WWC1: variants seen among roughly 807,000 people sequenced by gnomAD.
WWC1 encodes WW and C2 domain containing 1.
In WWC1, 55 loss-of-function variants were observed where a neutral mutation model predicts 138.4. The ratio of observed to expected loss-of-function variants is 0.40; its 90% CI spans 0.32 to 0.50. WWC1 has a LOEUF of 0.50. Among genes scored for constraint, WWC1 ranks in the 20% least tolerant of loss-of-function variants. The pLI is 0.72. For synonymous variants in WWC1, 524 were observed against 564.9 expected (o/e 0.93, Z 1.03); for missense variants, 1,226 against 1,420.4 (o/e 0.86, Z 2.20).
chr5:168,297,417 A>G (rs1769637143), intron 1 of WWC1, among the ~76,000 whole-genome samples: 1 of 152,282 alleles, frequency 6.6e-6, no homozygotes, highest in South Asian at 2.1e-4. Flanking sequence ...ACCTGAGGTC[A>G]GGAGTTCGAG....
intron 17 of WWC1, among the ~76,000 whole-genome samples, chr5:168,445,725 A>G (rs933069404): frequency 3.5e-5 from 5 of 142,904 alleles, no homozygotes; most frequent in Non-Finnish European, 7.6e-5. Context: ...AAAAAAAAAA[A>G]GAGTAAGCAG....
At chr5:168,317,420 C>G (rs562633509) in intron 1 of WWC1, among the ~76,000 whole-genome samples, 2 of 152,290 alleles carry the variant, frequency 1.3e-5, no homozygotes, top group African/African-American at 4.8e-5. Context: ...GCAGCCAGAT[C>G]CCACAGATCC....
intron 1 of WWC1, among the ~76,000 whole-genome samples, chr5:168,315,577 A>G (rs1771514313): frequency 6.6e-6 from 1 of 151,812 alleles, no homozygotes; most frequent in Non-Finnish European, 1.5e-5. Context: ...TCCTAATATG[A>G]ATCTACCACA....
At chr5:168,441,659 C>A in intron 15 of WWC1, 23 bp from the exon 16 acceptor site, 1 of 1,610,592 alleles carries the variant, frequency 6.2e-7, no homozygotes, top group South Asian at 1.1e-5. Flanking sequence ...CACTTATGTT[C>A]TCCTTGTTTC....
intron 2 of WWC1, among the ~76,000 whole-genome samples, chr5:168,383,853 C>T (rs1042774371): frequency 1.3e-5 from 2 of 152,116 alleles, no homozygotes; most frequent in Non-Finnish European, 2.9e-5. Context: ...GGCATTGATT[C>T]TTTGACATTA....
At position 168,292,506 on chromosome 5, in the gene WWC1, C is replaced by G. The variant is rs948670974; in HGVS notation, c.119+235C>G. On this transcript the variant is annotated intron_variant, in intron 1 of 22. Coordinates refer to ENST00000265293, the MANE Select transcript of WWC1 (RefSeq NM_015238.3). This position sits in a 1 kb window ranked among gnomAD's most constrained non-coding sequence, Gnocchi z 4.4. ...TGGCCCAGGCTGCCCCACCGCCATC[C>G]CCAGTTGGAGGACTTAGGCCCCAGC... 6.6e-6 allele frequency among the ~76,000 whole-genome samples: 1 copy of G among 152,048 alleles called. No individual in the cohort carries two copies. The highest frequency in any genetic ancestry group is 2.4e-5 in the African/African-American group (1 of 41,408).
At chr5:168,307,452 T>A (rs549573697) in intron 1 of WWC1, among the ~76,000 whole-genome samples, 2 of 152,164 alleles carry the variant, frequency 1.3e-5, no homozygotes, top group South Asian at 4.2e-4. Context: ...GTTCTACCCT[T>A]AGTTTAGCAG....
chr5:168,380,591 A>T (rs1224606616), intron 2 of WWC1, among the ~76,000 whole-genome samples: 1 of 152,250 alleles, frequency 6.6e-6, no homozygotes, highest in African/African-American at 2.4e-5. Flanking sequence ...GTAAAATGGT[A>T]CAACCAGTTT....
chr5:168,308,126 T>G (rs7724276), intron 1 of WWC1, among the ~76,000 whole-genome samples: 97,474 of 151,964 alleles, frequency 0.64, 31,572 homozygotes, highest in Middle Eastern at 0.73. Flanking sequence ...GGGTCTTCAG[T>G]CTGAGCCTTG....
At chr5:168,432,041 C>G (rs1029655719) in intron 15 of WWC1, among the ~76,000 whole-genome samples, 1 of 128,426 alleles carries the variant, frequency 7.8e-6, no homozygotes, top group South Asian at 2.7e-4. Flanking sequence ...CAGCAGAACC[C>G]TGTGTCAAAA....
intron 1 of WWC1, among the ~76,000 whole-genome samples, chr5:168,335,827 C>T (rs1773406283): frequency 1.3e-5 from 2 of 152,192 alleles, no homozygotes; most frequent in Admixed American, 1.3e-4. Flanking sequence ...ACTTTCATTT[C>T]TGAAATTACT....
intron 3 of WWC1, among the ~76,000 whole-genome samples, chr5:168,391,073 C>T (rs971419186): frequency 2.0e-5 from 3 of 152,190 alleles, no homozygotes; most frequent in Non-Finnish European, 2.9e-5. Flanking sequence ...ATTTAACCCA[C>T]GTCAGTCAGT....
chr5:168,455,986 T>G (rs1254427942), intron 19 of WWC1, among the ~76,000 whole-genome samples: 1 of 152,230 alleles, frequency 6.6e-6, no homozygotes, highest in African/African-American at 2.4e-5. Flanking sequence ...TAATTGAACC[T>G]GCTGCTAACA....
intron 1 of WWC1, among the ~76,000 whole-genome samples, chr5:168,357,448 CTGTGTGTGTGTGTGTGTGTGTGTGTG>C (rs67198550): frequency 1.5e-5 from 2 of 134,470 alleles, no homozygotes; most frequent in Admixed American, 1.4e-4. Flanking sequence ...AACCTGCCTT[CTGTGTGTGTGTGTGTGTGTGTGTGTG>C]TGTGTGTGTG....
chr5:168,464,931 T>C lies in WWC1; in HGVS notation c.3119T>C (p.Phe1040Ser). Residue 1040 changes from phenylalanine (F) to serine (S), a missense_variant, in exon 21 of 23, where the codon TTC (phenylalanine) becomes TCC (serine). Transcript: ENST00000265293. ...CAGTGGTTGCGTGAGGACGAGCGTT[T>C]CCGCCTGCTGCTGAGGATGCTGGAG... Reference protein sequence around the residue: ...LPQWLREDERFRLLLRMLEKR... With the variant: ...LPQWLREDERSRLLLRMLEKR... 6.2e-7 allele frequency: 1 copy of C among 1,614,084 alleles called. No individual in the cohort carries two copies. Among genetic ancestry groups the C allele is most frequent in the Non-Finnish European group, 8.5e-7 (1 of 1,179,988 alleles).
At chr5:168,459,856 C>G (rs1292344923) in intron 19 of WWC1, among the ~76,000 whole-genome samples, 4 of 152,128 alleles carry the variant, frequency 2.6e-5, no homozygotes, top group Admixed American at 1.3e-4. Context: ...AAATAGGACT[C>G]GAGAAAGAAA....
chr5:168,297,018 G>A (rs1195819297), intron 1 of WWC1, among the ~76,000 whole-genome samples: 2 of 152,156 alleles, frequency 1.3e-5, no homozygotes, highest in Non-Finnish European at 2.9e-5. Flanking sequence ...CTGGAATCTT[G>A]GATCTGCCAC....
intron 1 of WWC1, among the ~76,000 whole-genome samples, chr5:168,341,702 T>A (rs201070730): frequency 3.4e-5 from 5 of 146,076 alleles, no homozygotes; most frequent in Non-Finnish European, 4.5e-5. Context: ...TTTGCTGATT[T>A]AAAAAAAAAA....
intron 11 of WWC1, 139 bp from the exon 12 acceptor site, chr5:168,427,894 G>A (rs1020719472): frequency 1.6e-5 from 10 of 610,640 alleles, no homozygotes; most frequent in African/African-American, 1.3e-4. Flanking sequence ...CGAAGTGGTC[G>A]AGGCTGCAGT....
Sources: gnomAD v4.1 joint callset for allele counts (sites outside exome capture counted in the v4.1 genomes callset) on GRCh38, gnomAD v4.1.1 for gene constraint, Gnocchi (gnomAD v3.1) non-coding constraint, MANE v1.5 for transcripts, NCBI Gene and HGNC (gene_info 2026-07-23, HGNC 2026-07-21) for gene names.